Variants in BMPR1B observed in about 807,000 individuals in gnomAD.
The protein encoded by BMPR1B is bone morphogenetic protein receptor type-1B.
BMPR1B carries 12 observed loss-of-function variants against 59.1 expected under a neutral mutation model. The ratio of observed to expected loss-of-function variants is 0.20; its 90% confidence interval spans 0.13 to 0.33. The LOEUF is 0.33. Ranked by LOEUF, BMPR1B falls within the 10% of genes least tolerant of loss-of-function variation. The pLI is 1.00. For missense variants in BMPR1B, 550 were observed against 610.9 expected, an observed-to-expected ratio of 0.90 and a Z score of 1.05; for synonymous variants, 237 against 207.3, an observed-to-expected ratio of 1.14 and a Z score of -1.23.
At chr4:95,081,296 C>T (rs1248950691) in intron 3 of BMPR1B, among the ~76,000 whole-genome samples, 2 of 152,098 alleles carry the variant, frequency 1.3e-5, no homozygotes, top group East Asian at 1.9e-4. Flanking sequence ...AGCGTGAGAA[C>T]GGACTACTAC....
intron 2 of BMPR1B, among the ~76,000 whole-genome samples, chr4:94,881,117 G>A (rs940118649): frequency 1.3e-5 from 2 of 152,064 alleles, no homozygotes; most frequent in African/African-American, 4.8e-5. Flanking sequence ...CATTCAGTAT[G>A]TTTACATTCT....
chr4:94,938,278 CA>C (rs1168182364), intron 2 of BMPR1B, among the ~76,000 whole-genome samples: 1 of 151,994 alleles, frequency 6.6e-6, no homozygotes, highest in African/African-American at 2.4e-5. Flanking sequence ...GGGCAGATAA[CA>C]AGGTGAGGAG....
intron 1 of BMPR1B, among the ~76,000 whole-genome samples, chr4:94,874,959 G>A (rs1301350931): frequency 6.6e-6 from 1 of 152,088 alleles, no homozygotes; most frequent in Non-Finnish European, 1.5e-5. Flanking sequence ...CGCCACTGTA[G>A]TCCAGCCTGG....
chr4:94,969,211 AT>A (rs1298779205), intron 2 of BMPR1B, among the ~76,000 whole-genome samples: 3 of 151,666 alleles, frequency 2.0e-5, no homozygotes, highest in Non-Finnish European at 4.4e-5. Flanking sequence ...ATTTTTTTGT[AT>A]TTTTAGTAGA....
chr4:95,115,794 G>C lies in BMPR1B; in HGVS notation c.349+7G>C. The C allele has an allele frequency of 1.2e-6, 2 of 1,602,244 alleles. No homozygotes were observed. Among genetic ancestry groups the C allele is most frequent in the Non-Finnish European group, 1.7e-6 (2 of 1,169,868 alleles). On this transcript the variant is annotated splice_region_variant and intron_variant, in intron 6 of 12. Transcript: ENST00000515059. ...CCTCCATTGAAAAACAGAGGTAAGT[G>C]AGGAAGGCTTCCAGCCTGGAAAATC... is the stretch of plus-strand genomic sequence containing the variant.
chr4:95,132,464 C>G (rs539279042), intron 10 of BMPR1B, among the ~76,000 whole-genome samples: 3 of 152,198 alleles, frequency 2.0e-5, no homozygotes, highest in African/African-American at 7.2e-5. Flanking sequence ...TAACATACCC[C>G]AAATATATGA....
intron 10 of BMPR1B, 50 bp from the exon 11 acceptor site, chr4:95,148,691 ATTCGTTT>A: frequency 6.4e-7 from 1 of 1,552,074 alleles, no homozygotes; most frequent in African/African-American, 1.4e-5. Flanking sequence ...AATCACCTTG[ATTCGTTT>A]TTGTTGGTCC....
intron 3 of BMPR1B, among the ~76,000 whole-genome samples, chr4:95,053,282 TG>T (rs1331403593): frequency 6.0e-3 from 10 of 1,664 alleles, no homozygotes; most frequent in African/African-American, 8.7e-3. Context: ...GCAGGGCACT[TG>T]TGTGTGTGTG....
At chr4:94,957,326 G>GT (rs1355817739) in intron 2 of BMPR1B, among the ~76,000 whole-genome samples, 2 of 94,066 alleles carry the variant, frequency 2.1e-5, no homozygotes, top group African/African-American at 4.3e-5. Context: ...TCCACCTCCT[G>GT]TTTCGTGTTT....
At chr4:94,960,738 A>G (rs1578852703) in intron 2 of BMPR1B, among the ~76,000 whole-genome samples, 2 of 151,294 alleles carry the variant, frequency 1.3e-5, no homozygotes, top group South Asian at 4.2e-4. Flanking sequence ...TATATATTTT[A>G]GTTTAGAGAG....
chr4:94,911,203 C>A lies in BMPR1B; in HGVS notation c.-113+35303C>A, dbSNP rs544550296. ...CTGGCTTTGTGCCAGACTGAGGATA[C>A]AGAGATGAGTGAAACTCAATCTTAG... On this transcript the variant is annotated intron_variant, in intron 2 of 12. Transcript: ENST00000515059. Among the ~76,000 whole-genome samples the A allele has an allele frequency of 1.4e-4, 21 of 152,224 alleles. No individual in the cohort carries two copies. The South Asian group carries it at 2.9e-3, about 21-fold the overall frequency.
chr4:94,986,842 C>A (rs1040221088), intron 2 of BMPR1B, among the ~76,000 whole-genome samples: 1 of 151,858 alleles, frequency 6.6e-6, no homozygotes, highest in African/African-American at 2.4e-5. Context: ...GGGATGGAGA[C>A]CATCCTGGCT....
intron 4 of BMPR1B, among the ~76,000 whole-genome samples, chr4:95,107,836 T>G (rs2149269313): frequency 6.6e-6 from 1 of 152,204 alleles, no homozygotes; most frequent in Non-Finnish European, 1.5e-5. Flanking sequence ...TGTATTTTCC[T>G]AATGAAGTAT....
chr4:94,881,173 A>T (rs1726953875), intron 2 of BMPR1B, among the ~76,000 whole-genome samples: 3 of 152,140 alleles, frequency 2.0e-5, no homozygotes, highest in Admixed American at 2.0e-4. Flanking sequence ...CATCTTCTGC[A>T]ACTGAAACTG....
intron 2 of BMPR1B, among the ~76,000 whole-genome samples, chr4:94,943,163 C>T (rs1729583217): frequency 6.7e-6 from 1 of 148,382 alleles, no homozygotes; most frequent in Admixed American, 6.7e-5. Context: ...TTTTTTGAGA[C>T]AGAGTTCACT....
intron 2 of BMPR1B, among the ~76,000 whole-genome samples, chr4:94,921,684 A>T (rs1728693856): frequency 6.6e-6 from 1 of 152,162 alleles, no homozygotes; most frequent in African/African-American, 2.4e-5. Context: ...ACCAGGCCCC[A>T]TCTCCAATAT....
At chr4:94,869,171 G>T (rs1432847413) in intron 1 of BMPR1B, among the ~76,000 whole-genome samples, 1 of 150,852 alleles carries the variant, frequency 6.6e-6, no homozygotes. Flanking sequence ...ATAATAATTT[G>T]TATTTGTCAG....
intron 1 of BMPR1B, among the ~76,000 whole-genome samples, chr4:94,792,107 A>G (rs1723006382): frequency 1.3e-5 from 2 of 152,228 alleles, no homozygotes; most frequent in Admixed American, 1.3e-4. Context: ...AATTTTTCAG[A>G]TAACTAAGTT....
At chr4:95,124,708 A>T (rs1035665492) in intron 7 of BMPR1B, among the ~76,000 whole-genome samples, 3 of 152,074 alleles carry the variant, frequency 2.0e-5, no homozygotes, top group Non-Finnish European at 4.4e-5. Context: ...CTGCTTGGAT[A>T]TGTGCAATTT....
Sources: allele counts gnomAD v4.1 joint callset (sites outside exome capture counted in the v4.1 genomes callset), GRCh38; gene constraint gnomAD v4.1.1; transcripts MANE v1.5; gene names NCBI Gene and HGNC (gene_info 2026-07-23, HGNC 2026-07-21).